FBN3: variants seen among roughly 807,000 people sequenced by gnomAD.
FBN3 encodes the protein fibrillin 3, also known as fibrillin-3.
Under a neutral mutation model 330.1 loss-of-function variants are expected in FBN3, and 234 were observed. That is an observed-to-expected ratio of 0.71 (90% CI 0.64 to 0.79). The LOEUF is 0.79. FBN3 is among the 30% of genes least tolerant of loss of function. The pLI is 0.00. For synonymous variants in FBN3, 1,458 were observed against 1,517.3 expected (o/e 0.96, Z 0.91); for missense variants, 3,606 against 3,886.9 (o/e 0.93, Z 1.92).
chr19:8,085,716 C>T (rs2144654654), intron 55 of FBN3, 147 bp from the exon 56 acceptor site: 2 of 606,848 alleles, frequency 3.3e-6, no homozygotes, highest in South Asian at 4.6e-5. Flanking sequence ...ACAGATGGCC[C>T]TAGTGGGTCA....
At chr19:8,117,976 A>G (rs191264826) in intron 26 of FBN3, among the ~76,000 whole-genome samples, 5 of 152,104 alleles carry the variant, frequency 3.3e-5, no homozygotes, top group African/African-American at 1.2e-4. Context: ...CCATGTGTAA[A>G]TACACATCCA....
chr19:8,086,718 TTGGTCTCCCAAAG>T (rs1187576185), intron 54 of FBN3, among the ~76,000 whole-genome samples: 1 of 151,326 alleles, frequency 6.6e-6, no homozygotes, highest in East Asian at 2.0e-4. Context: ...TCCAACCGCC[TTGGTCTCCCAAAG>T]TGCTAGGATT....
At chr19:8,066,597 G>A (rs2081396350) in intron 63 of FBN3, among the ~76,000 whole-genome samples, 1 of 152,058 alleles carries the variant, frequency 6.6e-6, no homozygotes, top group Admixed American at 6.6e-5. Flanking sequence ...CAAGAGTTGG[G>A]AGGCCGGGCG....
At chr19:8,135,936 G>GGGGGGGGGGGGGGGCCGCCCC in intron 13 of FBN3, 25 bp downstream of exon 13, 1 of 668,778 alleles carries the variant, frequency 1.5e-6, no homozygotes, top group Non-Finnish European at 2.4e-6. Context: ...GGAAGCCCCT[G>GGGGGGGGGGGGGGGCCGCCCC]CCCACCCGCC....
At chr19:8,135,936 G>GGGGGGGGGGGCCCCCCCCC in intron 13 of FBN3, 25 bp downstream of exon 13, 8 of 668,750 alleles carry the variant, frequency 1.2e-5, no homozygotes, top group East Asian at 3.9e-5. Flanking sequence ...GGAAGCCCCT[G>GGGGGGGGGGGCCCCCCCCC]CCCACCCGCC....
At chr19:8,073,937 A>C (rs2081581383) in intron 61 of FBN3, among the ~76,000 whole-genome samples, 1 of 152,144 alleles carries the variant, frequency 6.6e-6, no homozygotes, top group Admixed American at 6.6e-5. Context: ...CTACCTCAAT[A>C]TCCCACAAGA....
chr19:8,148,674 G>A (rs1311679034), intron 1 of FBN3: 1 of 152,268 alleles, frequency 6.6e-6, no homozygotes, highest in East Asian at 1.9e-4. Flanking sequence ...GGGAGGAAAG[G>A]AACCGGCCCT....
intron 13 of FBN3, among the ~76,000 whole-genome samples, chr19:8,134,962 T>C (rs1012661725): frequency 6.8e-6 from 1 of 148,128 alleles, no homozygotes; most frequent in Non-Finnish European, 1.5e-5. Context: ...TAAATATAAA[T>C]ATATATATTT....
At position 8,066,061 on chromosome 19, in the gene FBN3, A is replaced by G; in HGVS notation, c.8288T>C (p.Leu2763Pro). The change falls in exon 64 of 64, where the codon CTG becomes CCG. Residue 2763 changes from leucine (L) to proline (P), a missense_variant. Leu to Pro is a moderately conservative substitution (Grantham distance 98). Coordinates refer to ENST00000600128, the MANE Select transcript of FBN3 (RefSeq NM_032447.5). ...TCCAGGCCCCGGCCGCCTCCGCCCC[A>G]GCTGCAGGGAGCTGACGCCACGGAG... ...HHLRGVSSLQ[L>P]GRRRPGPGTY... 1.2e-6 allele frequency: 2 copies of G among 1,613,268 alleles called. No homozygotes were observed. Among genetic ancestry groups the G allele is most frequent in the Non-Finnish European group, 1.7e-6 (2 of 1,179,940 alleles).
In FBN3 at chr19:8,096,217, G is replaced by A. The variant is rs2082206127; in HGVS notation, c.5540-137C>T. The A allele has an allele frequency of 1.2e-6, 1 of 863,706 alleles. No homozygotes were observed. Among genetic ancestry groups the A allele is most frequent in the Non-Finnish European group, 1.9e-6 (1 of 527,258 alleles). The allele number at this position is 863,706 out of a possible 1,614,324, so 53.5% of individuals were successfully genotyped here. ...GATGACTGGGCAGTGACCCCTGGCG[G>A]TGATGGCTGGGAAGTACTCCTGGTA... On this transcript the variant is annotated intron_variant, in intron 44 of 63. Coordinates refer to ENST00000600128, the MANE Select transcript of FBN3 (RefSeq NM_032447.5). This position sits in a 1 kb window ranked among gnomAD's most constrained non-coding sequence, Gnocchi z 4.6.
intron 59 of FBN3, among the ~76,000 whole-genome samples, chr19:8,076,301 T>A (rs976036472): frequency 6.7e-6 from 1 of 148,962 alleles, no homozygotes; most frequent in African/African-American, 2.5e-5. Context: ...TTAAACTGAA[T>A]AGTCTGTGAT....
At position 8,147,161 on chromosome 19, in the gene FBN3, G is replaced by A; in HGVS notation, c.193C>T (p.His65Tyr). 3 of 1,571,730 alleles carry A rather than the reference G, an allele frequency of 1.9e-6. No homozygotes were observed. Among genetic ancestry groups the A allele is most frequent in the Non-Finnish European group, 2.6e-6 (3 of 1,159,434 alleles). Reference sequence around the variant, plus strand: ...CTCCAGCCTGGACAGCAGTAGGCATGGAACCGGGAGCCGCACACATTCGGC... The same window carrying A: ...CTCCAGCCTGGACAGCAGTAGGCATAGAACCGGGAGCCGCACACATTCGGC... Reference protein sequence around the residue: ...QGPNVCGSRFHAYCCPGWRTF... With the variant: ...QGPNVCGSRFYAYCCPGWRTF... Residue 65 changes from histidine (H) to tyrosine (Y), a missense_variant, in exon 3 of 64, where the codon CAT (histidine) becomes TAT (tyrosine). Transcript: ENST00000600128.
intron 40 of FBN3, 95 bp downstream of exon 40, chr19:8,102,629 G>A: frequency 8.0e-7 from 1 of 1,246,696 alleles, no homozygotes; most frequent in Non-Finnish European, 1.1e-6. Flanking sequence ...TCAGAACAAG[G>A]AGGATTAATC....
Position 8,131,969 on chromosome 19 carries a change from T to C in FBN3, c.1715-140A>G, listed in dbSNP as rs749470063. The C allele has an allele frequency of 2.1e-5, 20 of 949,178 alleles. No homozygotes were observed. Among genetic ancestry groups the C allele is most frequent in the Non-Finnish European group, 3.0e-5 (20 of 666,422 alleles). 58.8% of individuals were successfully genotyped at this position (949,178 alleles called of 1,614,324 possible). On this transcript the variant is annotated intron_variant, in intron 14 of 63. Transcript: ENST00000600128. This position sits in a 1 kb window ranked among gnomAD's most constrained non-coding sequence, Gnocchi z 4.5. ...TTCTTGTCTTTCCAGTTTCCTGTTGTCTGTGTCTCTGTCCTCTCCTCCTCT... is the reference window on the plus strand; with the variant it reads ...TTCTTGTCTTTCCAGTTTCCTGTTGCCTGTGTCTCTGTCCTCTCCTCCTCT...
intron 51 of FBN3, among the ~76,000 whole-genome samples, chr19:8,089,012 AAGTGAATGAGTGAGGGGGCAAATG>A (rs2082031522): frequency 6.6e-6 from 1 of 152,322 alleles, no homozygotes; most frequent in East Asian, 1.9e-4. Context: ...GAGAATTAGC[AAGTGAATGAGTGAGGGGGCAAATG>A]AGTGAATGAG....
rs758061496 is a variant in FBN3 at position 8,132,999 on chromosome 19, C to T, written c.1699G>A (p.Gly567Ser). Residue 567 changes from glycine (G) to serine (S), a missense_variant, in exon 14 of 64, where the codon GGC becomes AGC. By Grantham distance (56) the Gly-to-Ser change is moderately conservative. Transcript: ENST00000600128. Reference sequence around the variant, plus strand: ...CCAGGCTCACCCATGCAGTAGTGGCCGCCAGGCGCCAGCAGGAAGCCGGGT... The same window carrying T: ...CCAGGCTCACCCATGCAGTAGTGGCTGCCAGGCGCCAGCAGGAAGCCGGGT... ...CKPGFLLAPGGHYCMDIDECQ... is the reference protein window; with the variant it reads ...CKPGFLLAPGSHYCMDIDECQ... 10 of 1,565,534 alleles carry T rather than the reference C, an allele frequency of 6.4e-6. No individual in the cohort carries two copies. The highest frequency in any genetic ancestry group is 4.7e-5 in the East Asian group (2 of 42,934).
rs2082011886 is a variant in FBN3, at chr19:8,088,193, AG to A, written c.6377-15del. ...ACTCGTCTGTGTCTGGGTGGGAGTA[AG>A]GGGGTGGTCAGCACCTGCAGAGGGT... On this transcript the variant is annotated splice_polypyrimidine_tract_variant and intron_variant, in intron 51 of 63. Transcript: ENST00000600128. 6.3e-7 allele frequency: 1 copy of A among 1,579,948 alleles called. No individual in the cohort carries two copies.
chr19:8,088,239 C>T (rs1420552495), intron 51 of FBN3, 60 bp from the exon 52 acceptor site: 5 of 1,527,706 alleles, frequency 3.3e-6, no homozygotes, highest in Non-Finnish European at 4.4e-6. Flanking sequence ...TCAGTAGCAT[C>T]CCATCTGCCT....
chr19:8,145,921 TCACAC>T lies in FBN3; in HGVS notation c.362_366del (p.Ser121LysfsTer30). ...CGGCAGGTGCCCCCATTCATACAGC[TCACAC>T]TGCACCCTGACCCTGGGGACAGGAA... On this transcript the variant is annotated frameshift_variant, in exon 5 of 64. Transcript: ENST00000600128. LOFTEE classifies it high-confidence loss of function. 6 of 1,551,126 alleles carry T rather than the reference TCACAC, an allele frequency of 3.9e-6. No homozygotes were observed. The highest frequency in any genetic ancestry group is 5.2e-6 in the Non-Finnish European group (6 of 1,146,948).
Sources: allele counts gnomAD v4.1 joint callset (sites outside exome capture counted in the v4.1 genomes callset), GRCh38; gene constraint gnomAD v4.1.1; non-coding constraint Gnocchi (gnomAD v3.1); transcripts MANE v1.5; gene names NCBI Gene and HGNC (gene_info 2026-07-23, HGNC 2026-07-21).